Variants in HMCN2 observed in about 807,000 individuals in gnomAD.
HMCN2 encodes the protein hemicentin-2.
HMCN2 carries 325 observed loss-of-function variants against 377.5 expected under a neutral mutation model. The observed-to-expected ratio is 0.86, with a 90% confidence interval of 0.79 to 0.94. HMCN2 has a LOEUF of 0.94. Among genes scored for constraint, HMCN2 ranks in the 40% least tolerant of loss-of-function variants. The pLI is 0.00. For missense variants in HMCN2, 4,543 were observed against 4,725.3 expected, an observed-to-expected ratio of 0.96 and a Z score of 1.13; for synonymous variants, 2,007 against 2,046.8, an observed-to-expected ratio of 0.98 and a Z score of 0.53.
chr9:130,399,802 A>C (rs1236290496), intron 76 of HMCN2, among the ~76,000 whole-genome samples, 170 bp downstream of exon 76: 1 of 152,218 alleles, frequency 6.6e-6, no homozygotes, highest in Non-Finnish European at 1.5e-5. Flanking sequence ...GCATAACCCC[A>C]GCTCCAGCAC....
At chr9:130,358,300 C>T (rs548498349) in intron 35 of HMCN2, 90 bp from the exon 36 acceptor site, 2 of 1,288,226 alleles carry the variant, frequency 1.6e-6, no homozygotes, top group African/African-American at 1.5e-5. Context: ...ACTGCTCCTG[C>T]CCCCGGGCTC....
intron 19 of HMCN2, among the ~76,000 whole-genome samples, chr9:130,323,911 A>C (rs1054853093): frequency 7.9e-5 from 12 of 152,322 alleles, no homozygotes; most frequent in Non-Finnish European, 1.3e-4. Context: ...CATGTTGGCC[A>C]GGCTGGTCTC....
At chr9:130,331,045 C>T (rs1838399154) in intron 22 of HMCN2, among the ~76,000 whole-genome samples, 1 of 151,174 alleles carries the variant, frequency 6.6e-6, no homozygotes, top group Non-Finnish European at 1.5e-5. Context: ...GTAGTCCCAG[C>T]TTCTCGGGAG....
At chr9:130,375,354 G>C (rs1267613482) in intron 49 of HMCN2, among the ~76,000 whole-genome samples, 1 of 152,190 alleles carries the variant, frequency 6.6e-6, no homozygotes, top group Admixed American at 6.5e-5. Context: ...GTATTGCTTA[G>C]CGTTTGGAGA....
chr9:130,344,466 TGTG>T (rs1339641595), intron 25 of HMCN2, among the ~76,000 whole-genome samples: 29 of 150,782 alleles, frequency 1.9e-4, no homozygotes, highest in African/African-American at 6.6e-4. Flanking sequence ...TGGTGTATGT[TGTG>T]TGTGTGGTGT....
At position 130,429,690 on chromosome 9, in the gene HMCN2, G is replaced by A. The variant is rs767589505; in HGVS notation, c.14326+5G>A. On this transcript the variant is annotated splice_donor_5th_base_variant and intron_variant, in intron 94 of 97. Coordinates refer to ENST00000683500, the MANE Select transcript of HMCN2 (RefSeq NM_001291815.2). ...GCCCCAGCCTGCCCTGCCTAGGTAC[G>A]GGGACACCCACCCTCTGGCCACACC... The A allele has an allele frequency of 2.9e-5, 39 of 1,340,986 alleles. No individual in the cohort carries two copies. Among genetic ancestry groups the A allele is most frequent in the East Asian group, 5.5e-5 (2 of 36,252 alleles). The allele number at this position is 1,340,986 out of a possible 1,614,324, so 83.1% of individuals were successfully genotyped here. A position where few individuals can be genotyped will look rare whatever the true frequency, so the allele number is the denominator to read the frequency against.
chr9:130,330,495 T>C (rs1838370406), intron 22 of HMCN2, among the ~76,000 whole-genome samples: 2 of 152,156 alleles, frequency 1.3e-5, no homozygotes, highest in Non-Finnish European at 2.9e-5. Flanking sequence ...CCTGCAGCTC[T>C]TGGGGCTGGG....
At chr9:130,381,143 G>T (rs1399742552) in intron 54 of HMCN2, among the ~76,000 whole-genome samples, 1 of 152,138 alleles carries the variant, frequency 6.6e-6, no homozygotes, top group Non-Finnish European at 1.5e-5. Context: ...CGGCTGACCT[G>T]AATTCTTACC....
Position 130,348,597 on chromosome 9 carries a change from C to G in HMCN2, c.4077C>G (p.Ala1359=). The G allele has an allele frequency of 7.7e-7, 1 of 1,302,020 alleles. No homozygotes were observed. The highest frequency in any genetic ancestry group is 1.0e-6 in the Non-Finnish European group (1 of 988,260). The allele number at this position is 1,302,020 out of a possible 1,614,324, so 80.7% of individuals were successfully genotyped here. A position where few individuals can be genotyped will look rare whatever the true frequency, so the allele number is the denominator to read the frequency against. ...GCAAGGCCAACGTGTCGGGTATGGC[C>G]GGGCAGTCCCTGACGCTGGAGTGTG... ...DGRKANVSGM[A]GQSLTLECDA... The change falls in exon 27 of 98, where the codon GCC becomes GCG. Residue 1359 remains alanine, a synonymous_variant. Transcript: ENST00000683500.
chr9:130,319,014 C>A (rs1837710149), intron 15 of HMCN2, among the ~76,000 whole-genome samples: 1 of 152,138 alleles, frequency 6.6e-6, no homozygotes, highest in Non-Finnish European at 1.5e-5. Context: ...TGGCTTAGGC[C>A]AGGGGCTTAA....
rs1837326416 is a variant in HMCN2, at chr9:130,312,600, CTTTCT to C, written c.2350+2542_2350+2546del. ...TCTTTCTTTCTTTCTTTCTTTCTTT[CTTTCT>C]TTCTTTCTTTCTCTGTCTCTCTCTT... On this transcript the variant is annotated intron_variant, in intron 15 of 97. Transcript: ENST00000683500. Among the ~76,000 whole-genome samples the C allele has an allele frequency of 5.1e-4, 49 of 96,032 alleles. 2 individuals carry two copies. Among genetic ancestry groups the C allele is most frequent in the African/African-American group, 1.9e-3 (46 of 24,320 alleles). 63.0% of individuals were successfully genotyped at this position (96,032 alleles called of 152,430 possible).
At chr9:130,429,344 A>G (rs1844591089) in intron 93 of HMCN2, 1 of 608,730 alleles carries the variant, frequency 1.6e-6, no homozygotes, top group Admixed American at 3.1e-5. Flanking sequence ...AGGGCCTTTC[A>G]GCCCCTTCCT....
intron 26 of HMCN2, 108 bp from the exon 27 acceptor site, chr9:130,348,437 C>G (rs1839507745): frequency 1.6e-6 from 2 of 1,229,364 alleles, no homozygotes; most frequent in African/African-American, 3.1e-5. Flanking sequence ...ACAGGCAGAC[C>G]TTCTCCAACC....
Position 130,408,875 on chromosome 9 carries a change from G to A in HMCN2, c.12821G>A (p.Arg4274Gln), listed in dbSNP as rs766624087. The A allele has an allele frequency of 7.4e-5, 96 of 1,289,646 alleles. No homozygotes were observed. The highest frequency in any genetic ancestry group is 2.3e-4 in the Admixed American group (10 of 43,530). The allele number at this position is 1,289,646 out of a possible 1,614,324, so 79.9% of individuals were successfully genotyped here. A position where few individuals can be genotyped will look rare whatever the true frequency, so the allele number is the denominator to read the frequency against. The stretch of plus-strand genomic sequence containing the variant: ...TGGATCAAAGATGGCCTTCCACTGC[G>A]GGGCAGCCACCTCCGGCACCAGCTG... ...IHWIKDGLPL[R>Q]GSHLRHQLQN... is the part of the protein sequence containing the mutation. Residue 4274 changes from arginine to glutamine, a missense_variant, in exon 84 of 98, where the codon CGG (arginine) becomes CAG (glutamine). Around this residue, in one of 5 missense-constraint regions of HMCN2, gnomAD observed 1,155 missense variants for 1,157.7 expected, o/e 1.00. Coordinates refer to ENST00000683500, the MANE Select transcript of HMCN2 (RefSeq NM_001291815.2).
At position 130,394,000 on chromosome 9, in the gene HMCN2, C is replaced by A; in HGVS notation, c.10493C>A (p.Thr3498Asn). 1 of 1,263,362 alleles carries A rather than the reference C, an allele frequency of 7.9e-7. No homozygotes were observed. The highest frequency in any genetic ancestry group is 1.0e-6 in the Non-Finnish European group (1 of 976,886). The allele number at this position is 1,263,362 out of a possible 1,614,324, so 78.3% of individuals were successfully genotyped here. A position where few individuals can be genotyped will look rare whatever the true frequency, so the allele number is the denominator to read the frequency against. ...AGEARRHFQL[T>N]VMEPPHIEDS... ...GAAGCCAGGAGGCATTTCCAGCTGACCGTCATGGGTGGGTCCTCTGGCCTC... is the reference window on the plus strand; with the variant it reads ...GAAGCCAGGAGGCATTTCCAGCTGAACGTCATGGGTGGGTCCTCTGGCCTC... Residue 3498 changes from threonine (T) to asparagine (N), a missense_variant, in exon 68 of 98, where the codon ACC becomes AAC. Physicochemically the swap from Thr to Asn is moderately conservative, Grantham distance 65. Around this residue, in one of 5 missense-constraint regions of HMCN2, gnomAD observed 1,073 missense variants for 1,319.5 expected, o/e 0.81. Coordinates refer to ENST00000683500, the MANE Select transcript of HMCN2 (RefSeq NM_001291815.2). This position sits in a 1 kb window ranked among gnomAD's most constrained non-coding sequence, Gnocchi z 5.2.
chr9:130,308,318 A>G lies in HMCN2; in HGVS notation c.2200+752A>G, dbSNP rs1459985290. 6.6e-6 allele frequency among the ~76,000 whole-genome samples: 1 copy of G among 152,194 alleles called. No homozygotes were observed. Among genetic ancestry groups the G allele is most frequent in the Non-Finnish European group, 1.5e-5 (1 of 68,036 alleles). On this transcript the variant is annotated intron_variant, in intron 14 of 97. Transcript: ENST00000683500. This position sits in a 1 kb window ranked among gnomAD's most constrained non-coding sequence, Gnocchi z 4.1. ...TGCTGTGCTTGGCATTCTTAGTGAT[A>G]GTGCCGACGATAATGTGATTATCTG...
intron 1 of HMCN2, among the ~76,000 whole-genome samples, chr9:130,277,871 T>C (rs374696567): frequency 0.45 from 3,921 of 8,620 alleles, 880 homozygotes; most frequent in East Asian, 0.74. Context: ...ATCATCATCA[T>C]CACCACCACC....
In HMCN2 at chr9:130,379,087, C is replaced by T. The variant is rs555186296; in HGVS notation, c.8213-162C>T. On this transcript the variant is annotated intron_variant, in intron 53 of 97. Transcript: ENST00000683500. ...CACATACTAGTTGCTCAATAAACAC[C>T]GGTTTAGGGAGTGAGGGAATTTAAC... Among the ~76,000 whole-genome samples, 7 of 152,092 alleles carry T rather than the reference C, an allele frequency of 4.6e-5. No homozygotes were observed. In the South Asian group the frequency reaches 8.3e-4, roughly 18 times the overall value.
intron 43 of HMCN2, among the ~76,000 whole-genome samples, chr9:130,366,467 A>ATTTTTTT (rs71499234): frequency 9.6e-5 from 8 of 82,976 alleles, no homozygotes; most frequent in East Asian, 3.9e-4. Context: ...CACTTCACCA[A>ATTTTTTT]TTTTTTTTTT....
Sources: gnomAD v4.1 joint callset for allele counts (sites outside exome capture counted in the v4.1 genomes callset) on GRCh38, gnomAD v4.1.1 for gene constraint, gnomAD v4.1.1 regional missense constraint, Gnocchi (gnomAD v3.1) non-coding constraint, MANE v1.5 for transcripts, NCBI Gene and HGNC (gene_info 2026-07-23, HGNC 2026-07-21) for gene names.